GSE1: variants seen among roughly 807,000 people sequenced by gnomAD.
The protein encoded by GSE1 is Gse1 coiled-coil protein.
In GSE1, 32 loss-of-function variants were observed where a neutral mutation model predicts 112.6. The ratio of observed to expected loss-of-function variants is 0.28; its 90% confidence interval spans 0.21 to 0.38. The LOEUF (loss-of-function observed/expected upper bound fraction) is 0.38, where lower values mean the gene tolerates loss of function less well. Ranked by LOEUF, GSE1 falls within the 10% of genes least tolerant of loss-of-function variation. The pLI, the probability that GSE1 is intolerant of heterozygous loss-of-function variation, is 1.00. For synonymous variants in GSE1, 1,115 were observed against 735.6 expected, an observed-to-expected ratio of 1.52 and a Z score of -8.35; for missense variants, 2,348 against 1,699.2, an observed-to-expected ratio of 1.38 and a Z score of -6.71.
intron 1 of GSE1, among the ~76,000 whole-genome samples, chr16:85,291,574 G>C (rs1054923040): frequency 5.9e-5 from 9 of 152,220 alleles, no homozygotes; most frequent in Non-Finnish European, 1.2e-4. Flanking sequence ...GGGCCGGCTT[G>C]TGCGCAGTGT....
At chr16:85,586,846 G>A (rs769869645) in intron 1 of GSE1, among the ~76,000 whole-genome samples, 11 of 152,226 alleles carry the variant, frequency 7.2e-5, no homozygotes, top group Non-Finnish European at 8.8e-5. Flanking sequence ...CAGCTCAGGC[G>A]AGCTCAGTGC....
Position 85,477,974 on chromosome 16 carries a change from C to T in GSE1, c.2464+120331C>T, listed in dbSNP as rs546954656. 5.9e-5 allele frequency among the ~76,000 whole-genome samples: 9 copies of T among 152,228 alleles called. No individual in the cohort carries two copies. The South Asian group carries it at 1.0e-3, about 18-fold the overall frequency. ...GAGTCATCACGACCTCATTTCAGAA[C>T]GTTCCCGTCACTCCAGAAAGAATCC... On this transcript the variant is annotated intron_variant, in intron 2 of 2. Transcript: ENST00000637419.
At chr16:85,191,128 T>G (rs541955426) in intron 1 of GSE1, among the ~76,000 whole-genome samples, 1 of 151,986 alleles carries the variant, frequency 6.6e-6, no homozygotes, top group Non-Finnish European at 1.5e-5. Context: ...GGCGTGGTGT[T>G]GTGTGCCTGT....
At chr16:85,438,061 G>A (rs766958353) in intron 2 of GSE1, among the ~76,000 whole-genome samples, 2 of 152,132 alleles carry the variant, frequency 1.3e-5, no homozygotes, top group African/African-American at 4.8e-5. Flanking sequence ...TGGGGGAGGC[G>A]GGAGAGGGGT....
chr16:85,325,904 G>A (rs1421514146), intron 1 of GSE1, among the ~76,000 whole-genome samples: 1 of 151,562 alleles, frequency 6.6e-6, no homozygotes, highest in African/African-American at 2.4e-5. Flanking sequence ...GCATGCCATC[G>A]TGCCCAGCTA....
chr16:85,497,087 CAG>C (rs1002859076), intron 2 of GSE1, among the ~76,000 whole-genome samples: 2 of 152,138 alleles, frequency 1.3e-5, no homozygotes, highest in African/African-American at 4.8e-5. Context: ...TTAGTAGAAA[CAG>C]GGTTTCGCCA....
intron 1 of GSE1, among the ~76,000 whole-genome samples, chr16:85,175,613 A>G (rs9921875): frequency 0.44 from 67,447 of 151,972 alleles, 15,746 homozygotes; most frequent in Middle Eastern, 0.69. Flanking sequence ...GGTTTCTGAG[A>G]TTGCAGCCTC....
At chr16:85,401,539 G>C (rs1176417414) in intron 2 of GSE1, among the ~76,000 whole-genome samples, 3 of 152,206 alleles carry the variant, frequency 2.0e-5, no homozygotes, top group Non-Finnish European at 4.4e-5. Flanking sequence ...AGCCGGCCCA[G>C]AGGGCTTGGG....
intron 1 of GSE1, among the ~76,000 whole-genome samples, chr16:85,354,369 T>A (rs1289689212): frequency 6.6e-6 from 1 of 152,276 alleles, no homozygotes. Flanking sequence ...AAGGATTAAC[T>A]ATGCTAATCA....
At chr16:85,413,348 G>A (rs2048627757) in intron 2 of GSE1, among the ~76,000 whole-genome samples, 1 of 152,166 alleles carries the variant, frequency 6.6e-6, no homozygotes, top group South Asian at 2.1e-4. Context: ...GGCCATGGAG[G>A]GAGGGTCCAG....
intron 1 of GSE1, among the ~76,000 whole-genome samples, chr16:85,253,176 G>A (rs1389592338): frequency 6.6e-6 from 1 of 151,682 alleles, no homozygotes; most frequent in Non-Finnish European, 1.5e-5. Flanking sequence ...CCCACGGGAG[G>A]AGGCAGGAGG....
intron 1 of GSE1, among the ~76,000 whole-genome samples, chr16:85,230,923 G>A (rs114303773): frequency 0.01 from 1,584 of 151,442 alleles, 29 homozygotes; most frequent in African/African-American, 0.036. Flanking sequence ...ATGGATGGAT[G>A]GATGAATGAA....
intron 1 of GSE1, among the ~76,000 whole-genome samples, chr16:85,622,825 G>A (rs887196231): frequency 6.6e-6 from 1 of 152,224 alleles, no homozygotes; most frequent in Non-Finnish European, 1.5e-5. Flanking sequence ...CCCTCATGGA[G>A]TTACCGTGTC....
intron 2 of GSE1, among the ~76,000 whole-genome samples, chr16:85,426,385 ATGG>A (rs1191085932): frequency 1.4e-5 from 2 of 138,240 alleles, no homozygotes; most frequent in African/African-American, 5.4e-5. Flanking sequence ...TGGATGATAG[ATGG>A]TGGGTGAATG....
intron 2 of GSE1, among the ~76,000 whole-genome samples, chr16:85,387,208 G>T (rs2047706781): frequency 6.6e-6 from 1 of 152,098 alleles, no homozygotes; most frequent in Non-Finnish European, 1.5e-5. Context: ...AGGGTGGTGG[G>T]AGCCCCCTGC....
intron 11 of GSE1, chr16:85,664,796 G>A (rs528471537): frequency 1.9e-6 from 1 of 513,360 alleles, no homozygotes; most frequent in Non-Finnish European, 3.5e-6. Flanking sequence ...GCTGTCTTTG[G>A]AGCACGTCTA....
At chr16:85,476,265 A>G (rs531793132) in intron 2 of GSE1, among the ~76,000 whole-genome samples, 2 of 152,262 alleles carry the variant, frequency 1.3e-5, no homozygotes, top group African/African-American at 2.4e-5. Context: ...TAAGAACACG[A>G]TGGGCTCCCG....
At chr16:85,548,889 A>T (rs2044801610) in intron 2 of GSE1, among the ~76,000 whole-genome samples, 1 of 152,186 alleles carries the variant, frequency 6.6e-6, no homozygotes, top group Admixed American at 6.5e-5. Flanking sequence ...TCCTGGGTTC[A>T]AGTGATTCTC....
chr16:85,666,121 T>C lies in GSE1; in HGVS notation c.2904T>C (p.Pro968=). The stretch of plus-strand genomic sequence containing the variant: ...TGTCGAGAGTCCAGGAGCTAGCTCC[T>C]GCCAGCGGGGAGAAGGCCAGGCTGA... The part of the protein sequence containing the change: ...QELSRVQELA[P]ASGEKARLSE... The change falls in exon 13 of 16, where the codon CCT becomes CCC. Residue 968 remains proline, a synonymous_variant. Transcript: ENST00000253458. 6.2e-7 allele frequency: 1 copy of C among 1,613,252 alleles called. No individual in the cohort carries two copies. The highest frequency in any genetic ancestry group is 1.6e-4 in the Middle Eastern group (1 of 6,062).
Sources: gnomAD v4.1 joint callset for allele counts (sites outside exome capture counted in the v4.1 genomes callset) on GRCh38, gnomAD v4.1.1 for gene constraint, MANE v1.5 for transcripts, NCBI Gene and HGNC (gene_info 2026-07-23, HGNC 2026-07-21) for gene names.